SHANK2: variants seen among roughly 807,000 people sequenced by gnomAD.
SHANK2 encodes the protein SH3 and multiple ankyrin repeat domains 2.
SHANK2 carries 43 observed loss-of-function variants against 133.7 expected under a neutral mutation model. That is an observed-to-expected ratio of 0.32 (90% CI 0.25 to 0.41). The LOEUF (loss-of-function observed/expected upper bound fraction) is 0.41. Among genes scored for constraint, SHANK2 ranks in the 10% least tolerant of loss-of-function variants. The pLI is 1.00. For missense variants in SHANK2, 1,994 were observed against 2,235.8 expected (o/e 0.89, Z 2.18); for synonymous variants, 1,017 against 952.8 (o/e 1.07, Z -1.24).
intron 15 of SHANK2, chr11:70,662,163 C>A: frequency 3.2e-6 from 1 of 311,238 alleles, no homozygotes; most frequent in East Asian, 8.1e-5. Flanking sequence ...AATGAGGCAG[C>A]AGTTTTGTTT....
intron 10 of SHANK2, among the ~76,000 whole-genome samples, chr11:70,902,075 C>T (rs935687845): frequency 1.3e-4 from 20 of 152,182 alleles, no homozygotes; most frequent in African/African-American, 4.8e-4. Context: ...GGCTGGCACT[C>T]TTGGACAGAC....
intron 11 of SHANK2, among the ~76,000 whole-genome samples, chr11:70,836,824 C>T (rs375375530): frequency 1.4e-3 from 216 of 152,310 alleles, no homozygotes; most frequent in Non-Finnish European, 2.8e-3. Context: ...TACATCCCCT[C>T]CAAATTCATG....
At chr11:71,198,150 T>C (rs1469596654) in intron 2 of SHANK2, among the ~76,000 whole-genome samples, 1 of 152,222 alleles carries the variant, frequency 6.6e-6, no homozygotes, top group Admixed American at 6.5e-5. Context: ...GGTCTCACTA[T>C]GTTGCCCAGG....
At chr11:71,247,037 T>G (rs1427189134) in intron 1 of SHANK2, among the ~76,000 whole-genome samples, 1 of 152,222 alleles carries the variant, frequency 6.6e-6, no homozygotes, top group African/African-American at 2.4e-5. Flanking sequence ...TTATGTATAT[T>G]TTTCGTGCAG....
At chr11:71,205,287 T>C (rs1441842441) in intron 2 of SHANK2, among the ~76,000 whole-genome samples, 10 of 152,268 alleles carry the variant, frequency 6.6e-5, no homozygotes, top group Admixed American at 5.9e-4. Flanking sequence ...CTTCCTAGCT[T>C]TGGGTCATCT....
At chr11:70,803,353 C>CCTATCCATCCATCTAT in intron 13 of SHANK2, among the ~76,000 whole-genome samples, 1 of 128,912 alleles carries the variant, frequency 7.8e-6, no homozygotes, top group Non-Finnish European at 1.6e-5. Flanking sequence ...CATCCATTTA[C>CCTATCCATCCATCTAT]CTATCCATCC....
In SHANK2 at chr11:70,502,831, C is replaced by G; in HGVS notation, c.2162G>C (p.Arg721Thr). 1 of 1,605,758 alleles carries G rather than the reference C, an allele frequency of 6.2e-7. No homozygotes were observed. The highest frequency in any genetic ancestry group is 8.5e-7 in the Non-Finnish European group (1 of 1,176,700). ...HLVLKVVTVT[R>T]NLDPDDTARK... is the part of the protein sequence containing the mutation. ...GGCGGTGTCGTCGGGGTCCAGATTC[C>G]TGGTCACCGTGACCACCTTAAGGAC... The change falls in exon 18 of 26, where the codon AGG becomes ACG. Residue 721 changes from arginine to threonine, a missense_variant. This residue lies in a region of SHANK2 where 488 missense variants were observed against 642.6 expected (regional missense o/e 0.76). Transcript: ENST00000601538.
At chr11:70,945,385 C>T (rs998401223) in intron 10 of SHANK2, among the ~76,000 whole-genome samples, 3 of 152,278 alleles carry the variant, frequency 2.0e-5, no homozygotes, top group Non-Finnish European at 2.9e-5. Context: ...AAGGCCCCCA[C>T]CAGCCTGGTC....
chr11:71,183,276 G>C (rs916990250), intron 2 of SHANK2, among the ~76,000 whole-genome samples: 36 of 152,202 alleles, frequency 2.4e-4, no homozygotes, highest in Non-Finnish European at 8.8e-5. Context: ...TTTCGAGGCT[G>C]AGGATGAGAC....
chr11:70,888,829 A>T (rs1284512868), intron 11 of SHANK2, among the ~76,000 whole-genome samples: 3 of 141,272 alleles, frequency 2.1e-5, no homozygotes, highest in African/African-American at 9.1e-5. Flanking sequence ...AAAAAAAGAA[A>T]AAAAAAAGAG....
At chr11:70,876,857 G>A (rs1007560187) in intron 11 of SHANK2, among the ~76,000 whole-genome samples, 13 of 152,256 alleles carry the variant, frequency 8.5e-5, no homozygotes, top group Admixed American at 3.3e-4. Flanking sequence ...GAGGCAGAGC[G>A]CCCTGTCTAG....
At chr11:70,697,408 C>T (rs1317795321) in intron 15 of SHANK2, among the ~76,000 whole-genome samples, 6 of 152,210 alleles carry the variant, frequency 3.9e-5, no homozygotes, top group East Asian at 1.9e-4. Flanking sequence ...GATCACGTAG[C>T]GGCTGATTCC....
intron 2 of SHANK2, among the ~76,000 whole-genome samples, chr11:71,221,324 A>T (rs1345307211): frequency 6.6e-6 from 1 of 152,214 alleles, no homozygotes; most frequent in African/African-American, 2.4e-5. Flanking sequence ...TTGGACCCTC[A>T]CACCACAGTC....
intron 2 of SHANK2, among the ~76,000 whole-genome samples, chr11:71,151,397 G>A (rs538306691): frequency 5.3e-5 from 8 of 152,230 alleles, no homozygotes; most frequent in African/African-American, 9.6e-5. Context: ...CAGGCACTCC[G>A]GCCTCACCCC....
At chr11:70,703,350 C>T (rs1406017055) in intron 14 of SHANK2, among the ~76,000 whole-genome samples, 4 of 152,230 alleles carry the variant, frequency 2.6e-5, no homozygotes, top group Admixed American at 2.6e-4. Context: ...TGGGAGGTGG[C>T]ATCTCATGAG....
At chr11:70,894,108 A>C (rs2135646532) in intron 11 of SHANK2, among the ~76,000 whole-genome samples, 1 of 152,364 alleles carries the variant, frequency 6.6e-6, no homozygotes, top group South Asian at 2.1e-4. Flanking sequence ...AAAACTGAAA[A>C]GACAACAAGT....
Position 70,532,999 on chromosome 11 carries a change from C to T in SHANK2, c.2062-30068G>A, listed in dbSNP as rs144856474. Among the ~76,000 whole-genome samples, 4 of 152,306 alleles carry T rather than the reference C, an allele frequency of 2.6e-5. No homozygotes were observed. In the East Asian group the frequency reaches 7.7e-4, roughly 29 times the overall value. On this transcript the variant is annotated intron_variant, in intron 17 of 25. Transcript: ENST00000601538. ...ATGCTGAATGAAAGAAGCCACGAAG[C>T]ACCCCACTTTGCATGATTGCATTTC...
chr11:71,147,146 C>T lies in SHANK2; in HGVS notation c.181G>A (p.Val61Met), dbSNP rs1413638609. Residue 61 changes from valine (V) to methionine (M), a missense_variant, in exon 3 of 26, where the codon GTG becomes ATG. By Grantham distance (21) the Val-to-Met change is conservative (BLOSUM62 1). This residue lies in a region of SHANK2 where 653 missense variants were observed against 563.4 expected (regional missense o/e 1.16). Coordinates refer to ENST00000601538, the MANE Select transcript of SHANK2 (RefSeq NM_012309.5). Reference sequence around the variant, plus strand: ...GTCTGCTGCAGGTCATGGATGACCACGCGGATCACCAGCGTGTTGCCCTGG... The same window carrying T: ...GTCTGCTGCAGGTCATGGATGACCATGCGGATCACCAGCGTGTTGCCCTGG... ...ESQGNTLVIRVVIHDLQQTKC... is the reference protein window; with the variant it reads ...ESQGNTLVIRMVIHDLQQTKC... 41 of 1,549,480 alleles carry T rather than the reference C, an allele frequency of 2.6e-5. No individual in the cohort carries two copies. Among genetic ancestry groups the T allele is most frequent in the Middle Eastern group, 1.8e-4 (1 of 5,590 alleles).
chr11:70,777,990 G>A (rs1380653036), intron 14 of SHANK2, among the ~76,000 whole-genome samples: 3 of 152,188 alleles, frequency 2.0e-5, no homozygotes, highest in Admixed American at 6.5e-5. Flanking sequence ...TGCAGCTGAG[G>A]AAGGAGAATA....
Sources: gnomAD v4.1 joint callset for allele counts (sites outside exome capture counted in the v4.1 genomes callset) on GRCh38, gnomAD v4.1.1 for gene constraint, gnomAD v4.1.1 regional missense constraint, MANE v1.5 for transcripts, NCBI Gene and HGNC (gene_info 2026-07-23, HGNC 2026-07-21) for gene names.